The following GMDS variants were observed in gnomAD, a reference collection of about 807,000 sequenced individuals.
The protein encoded by GMDS is GDP-mannose 4,6-dehydratase.
Under a neutral mutation model 49.9 loss-of-function variants are expected in GMDS, and 20 were observed. The ratio of observed to expected loss-of-function variants is 0.40; its 90% CI spans 0.28 to 0.58. The LOEUF (loss-of-function observed/expected upper bound fraction) is 0.58, where lower values mean the gene tolerates loss of function less well. GMDS is among the 20% of genes least tolerant of loss of function. The pLI is 0.42. For missense variants in GMDS, 362 were observed against 481.4 expected (o/e 0.75, Z 2.32); for synonymous variants, 177 against 178.6 (o/e 0.99, Z 0.07).
At chr6:1,976,256 GA>G (rs1337260511) in intron 4 of GMDS, among the ~76,000 whole-genome samples, 2 of 152,152 alleles carry the variant, frequency 1.3e-5, no homozygotes, top group Non-Finnish European at 2.9e-5. Context: ...ACCAATATTT[GA>G]AGAACAATGT....
chr6:1,935,210 T>G (rs999348817), intron 6 of GMDS, among the ~76,000 whole-genome samples: 1 of 152,150 alleles, frequency 6.6e-6, no homozygotes, highest in African/African-American at 2.4e-5. Flanking sequence ...CACAAACCAT[T>G]TAACCACTCT....
At chr6:1,740,783 T>C (rs1164195808) in intron 8 of GMDS, among the ~76,000 whole-genome samples, 2 of 152,170 alleles carry the variant, frequency 1.3e-5, no homozygotes, top group African/African-American at 2.4e-5. Context: ...GATTATTTTA[T>C]ATCTTCTTGC....
intron 4 of GMDS, among the ~76,000 whole-genome samples, chr6:2,038,060 G>T (rs572272036): frequency 6.6e-6 from 1 of 152,016 alleles, no homozygotes; most frequent in Non-Finnish European, 1.5e-5. Flanking sequence ...AAGAGGGTTG[G>T]GGGGGAGGTG....
At chr6:2,096,100 C>G (rs1164398051) in intron 4 of GMDS, among the ~76,000 whole-genome samples, 2 of 152,044 alleles carry the variant, frequency 1.3e-5, no homozygotes, top group East Asian at 3.9e-4. Flanking sequence ...GAAAGAAACG[C>G]CAGAATTTCT....
At chr6:2,201,221 G>A (rs55847540) in intron 1 of GMDS, among the ~76,000 whole-genome samples, 9,219 of 123,224 alleles carry the variant, frequency 0.075, 2,302 homozygotes, top group African/African-American at 0.34. Context: ...ATGGACATCC[G>A]AGATGTAACA....
At chr6:1,911,441 G>A (rs757270627) in intron 7 of GMDS, among the ~76,000 whole-genome samples, 3 of 151,946 alleles carry the variant, frequency 2.0e-5, no homozygotes, top group Non-Finnish European at 4.4e-5. Flanking sequence ...AGTTAGAAAT[G>A]GTCACTCTGC....
intron 7 of GMDS, among the ~76,000 whole-genome samples, chr6:1,843,788 T>C (rs1757256647): frequency 6.6e-6 from 1 of 152,068 alleles, no homozygotes. Flanking sequence ...AATAAATGCA[T>C]GCATGCGTGG....
intron 4 of GMDS, among the ~76,000 whole-genome samples, chr6:2,078,977 T>C (rs1201849488): frequency 1.3e-5 from 2 of 151,530 alleles, no homozygotes; most frequent in East Asian, 3.8e-4. Context: ...CATAATATTC[T>C]GTTGCTGAAT....
intron 6 of GMDS, 73 bp from the exon 7 acceptor site, chr6:1,930,303 G>A (rs968438901): frequency 1.5e-5 from 19 of 1,277,810 alleles, no homozygotes; most frequent in Non-Finnish European, 1.9e-5. Flanking sequence ...AACCAAACCC[G>A]ATTTCGGCCT....
At chr6:2,229,070 T>G (rs1194977197) in intron 1 of GMDS, among the ~76,000 whole-genome samples, 1 of 152,050 alleles carries the variant, frequency 6.6e-6, no homozygotes, top group Non-Finnish European at 1.5e-5. Context: ...GTGGCTCCAC[T>G]TTTCCCCAGG....
chr6:1,956,308 G>A (rs1004661302), intron 6 of GMDS, among the ~76,000 whole-genome samples: 3 of 152,198 alleles, frequency 2.0e-5, no homozygotes, highest in African/African-American at 7.2e-5. Flanking sequence ...AAGTGCATCT[G>A]CCTGTGTTAC....
At chr6:1,814,545 A>G (rs1220528863) in intron 7 of GMDS, among the ~76,000 whole-genome samples, 1 of 152,188 alleles carries the variant, frequency 6.6e-6, no homozygotes, top group Non-Finnish European at 1.5e-5. Context: ...CGTGTGGGAT[A>G]TTATGAAGAC....
chr6:2,035,087 C>T (rs1769215560), intron 4 of GMDS, among the ~76,000 whole-genome samples: 1 of 152,144 alleles, frequency 6.6e-6, no homozygotes, highest in Non-Finnish European at 1.5e-5. Context: ...TAACTTATAG[C>T]TGAATAAAAT....
chr6:1,852,932 C>T (rs1316138469), intron 7 of GMDS, among the ~76,000 whole-genome samples: 2 of 151,928 alleles, frequency 1.3e-5, no homozygotes, highest in Non-Finnish European at 2.9e-5. Context: ...TCTCGAACTC[C>T]CGACCTCAGG....
chr6:1,692,898 T>C (rs1765223542), intron 9 of GMDS, among the ~76,000 whole-genome samples: 1 of 152,244 alleles, frequency 6.6e-6, no homozygotes. Context: ...GGGGATATAT[T>C]TTCCTGCTTC....
intron 7 of GMDS, among the ~76,000 whole-genome samples, chr6:1,798,109 G>A (rs778813698): frequency 3.3e-4 from 50 of 152,208 alleles, no homozygotes; most frequent in South Asian, 1.0e-3. Context: ...TTTTGGTTTC[G>A]ATCTCAGTTT....
At chr6:2,059,830 G>C (rs565792941) in intron 4 of GMDS, among the ~76,000 whole-genome samples, 1 of 149,968 alleles carries the variant, frequency 6.7e-6, no homozygotes, top group East Asian at 2.0e-4. Flanking sequence ...CTGACAGGGC[G>C]AAGCTCAGAG....
At chr6:2,150,631 T>C (rs1776796368) in intron 1 of GMDS, among the ~76,000 whole-genome samples, 1 of 152,204 alleles carries the variant, frequency 6.6e-6, no homozygotes, top group South Asian at 2.1e-4. Context: ...TCTAAAATTA[T>C]TTCCACCTAT....
intron 7 of GMDS, among the ~76,000 whole-genome samples, chr6:1,856,683 G>GTT (rs201969567): frequency 6.6e-6 from 1 of 152,338 alleles, no homozygotes; most frequent in East Asian, 1.9e-4. Context: ...GAGTTCAACA[G>GTT]GTAGGGGGCT....
Sources: allele counts gnomAD v4.1 joint callset (sites outside exome capture counted in the v4.1 genomes callset), GRCh38; gene constraint gnomAD v4.1.1; transcripts MANE v1.5; gene names NCBI Gene and HGNC (gene_info 2026-07-23, HGNC 2026-07-21).